Variants in TMEM164 observed in about 807,000 individuals in gnomAD.
TMEM164 encodes RP13-360B22.2.
Under a neutral mutation model 18.8 loss-of-function variants are expected in TMEM164, and 4 were observed. The observed-to-expected ratio is 0.21, with a 90% CI of 0.10 to 0.49. The LOEUF (loss-of-function observed/expected upper bound fraction) is 0.49, where lower values mean the gene tolerates loss of function less well. Among genes scored for constraint, TMEM164 ranks in the 20% least tolerant of loss-of-function variants. The pLI is 0.98. For synonymous variants in TMEM164, 86 were observed against 101.7 expected (o/e 0.85, Z 0.93); for missense variants, 108 against 239.9 (o/e 0.45, Z 3.63).
intron 3 of TMEM164, among the ~76,000 whole-genome samples, chrX:110,080,494 T>C (rs2065736858): frequency 8.9e-6 from 1 of 111,764 alleles, no homozygotes; most frequent in African/African-American, 3.2e-5. Context: ...CCTGTCACCA[T>C]GCAGATCTCT....
chrX:110,111,533 G>A (rs1210668951), intron 4 of TMEM164, among the ~76,000 whole-genome samples: 1 of 112,030 alleles, frequency 8.9e-6, no homozygotes, highest in African/African-American at 3.2e-5. Context: ...AGAAAAGGAA[G>A]GTGCATCAGA....
intron 2 of TMEM164, among the ~76,000 whole-genome samples, chrX:110,052,372 C>T (rs1935598245): frequency 8.9e-6 from 1 of 112,492 alleles, no homozygotes. Flanking sequence ...CAACCTCTGA[C>T]CCCTGATCCA....
intron 2 of TMEM164, among the ~76,000 whole-genome samples, chrX:110,032,526 A>C (rs1046166817): frequency 1.8e-5 from 2 of 111,777 alleles, no homozygotes; most frequent in African/African-American, 6.5e-5. Context: ...ATAGAAAAGC[A>C]GAACTCAAAA....
At chrX:110,056,941 T>TTA (rs3082794) in intron 2 of TMEM164, among the ~76,000 whole-genome samples, 48,753 of 107,413 alleles carry the variant, frequency 0.45, 9,832 homozygotes, top group Non-Finnish European at 0.61. Flanking sequence ...AACTTAATGA[T>TTA]TATATATATA....
At chrX:110,114,746 C>A (rs2066337148) in intron 4 of TMEM164, among the ~76,000 whole-genome samples, 1 of 111,593 alleles carries the variant, frequency 9.0e-6, no homozygotes, top group Non-Finnish European at 1.9e-5. Flanking sequence ...CTTCCCAGAC[C>A]AAAAACTCTA....
At chrX:110,164,735 C>T (rs1352227112) in intron 5 of TMEM164, among the ~76,000 whole-genome samples, 3 of 110,999 alleles carry the variant, frequency 2.7e-5, no homozygotes, top group South Asian at 7.7e-4. Flanking sequence ...GGAAGGATAG[C>T]GGGTGGTACA....
At chrX:110,022,092 A>G (rs974546542) in intron 2 of TMEM164, among the ~76,000 whole-genome samples, 1 of 112,029 alleles carries the variant, frequency 8.9e-6, no homozygotes, top group Non-Finnish European at 1.9e-5. Context: ...GGACATAGGC[A>G]TTTAAGAAAA....
At chrX:110,011,166 A>G (rs1050406923) in intron 2 of TMEM164, among the ~76,000 whole-genome samples, 2 of 111,897 alleles carry the variant, frequency 1.8e-5, no homozygotes, top group African/African-American at 6.5e-5. Flanking sequence ...TTGTTGATGT[A>G]CTTTCAAAAA....
At chrX:110,098,788 C>CT (rs1215343245) in intron 3 of TMEM164, among the ~76,000 whole-genome samples, 2 of 105,760 alleles carry the variant, frequency 1.9e-5, no homozygotes, top group African/African-American at 3.4e-5. Flanking sequence ...TTTTTCAGCC[C>CT]TTTTTTTTTC....
rs187773567 is a variant in TMEM164, at chrX:110,163,968, G to A, written c.587-7452G>A. Among the ~76,000 whole-genome samples the A allele has an allele frequency of 5.3e-5, 6 of 112,296 alleles. No individual in the cohort carries two copies. In the East Asian group the frequency reaches 1.7e-3, roughly 31 times the overall value. On this transcript the variant is annotated intron_variant, in intron 5 of 6. Coordinates refer to ENST00000372068, the MANE Select transcript of TMEM164 (RefSeq NM_032227.4). Reference sequence around the variant, plus strand: ...TTTTCCTCTGTGAAGTGGGAAGCAAGGTTAATATCTGAGAGTGAAAATGGG... The same window carrying A: ...TTTTCCTCTGTGAAGTGGGAAGCAAAGTTAATATCTGAGAGTGAAAATGGG...
chrX:110,056,683 T>C (rs1935849079), intron 2 of TMEM164, among the ~76,000 whole-genome samples: 1 of 111,739 alleles, frequency 8.9e-6, no homozygotes, highest in East Asian at 2.8e-4. Context: ...TTCCAATTTC[T>C]CCACATCCTC....
At chrX:110,157,422 G>A (rs915545932) in intron 5 of TMEM164, among the ~76,000 whole-genome samples, 1 of 111,477 alleles carries the variant, frequency 9.0e-6, no homozygotes, top group Non-Finnish European at 1.9e-5. Context: ...AGCCAAGGGA[G>A]GGTGTTTCTC....
chrX:110,135,202 C>T (rs2066671793), intron 4 of TMEM164, among the ~76,000 whole-genome samples: 1 of 109,211 alleles, frequency 9.2e-6, no homozygotes, highest in African/African-American at 3.4e-5. Flanking sequence ...TTATATACAC[C>T]CAAAAATACA....
At position 110,092,783 on chromosome X, in the gene TMEM164, G is replaced by T. The variant is rs183353707; in HGVS notation, c.441-16297G>T. On this transcript the variant is annotated intron_variant, in intron 3 of 6. Transcript: ENST00000372068. ...TGGTGAGAGAGGGCATCCCTGTCTT[G>T]TGCCAGTTTTCAAAGGGAATGCTTC... 3.5e-3 allele frequency among the ~76,000 whole-genome samples: 395 copies of T among 111,927 alleles called. 1 individual carries two copies. Among genetic ancestry groups the T allele is most frequent in the African/African-American group, 0.011 (347 of 30,796 alleles).
chrX:110,136,383 A>C (rs1364984306), intron 4 of TMEM164, among the ~76,000 whole-genome samples: 1 of 111,941 alleles, frequency 8.9e-6, no homozygotes, highest in African/African-American at 3.3e-5. Context: ...GTTAATGAAG[A>C]TAAAGTGTTC....
chrX:110,169,122 A>G (rs1236727923), intron 5 of TMEM164, among the ~76,000 whole-genome samples: 1 of 111,884 alleles, frequency 8.9e-6, no homozygotes. Context: ...CCATCACACT[A>G]TATGTCCTAG....
At chrX:110,097,609 G>A (rs1366612156) in intron 3 of TMEM164, among the ~76,000 whole-genome samples, 1 of 112,322 alleles carries the variant, frequency 8.9e-6, no homozygotes, top group Non-Finnish European at 1.9e-5. Flanking sequence ...CAACAAGGAA[G>A]TCAACTACTT....
intron 4 of TMEM164, among the ~76,000 whole-genome samples, chrX:110,129,610 G>C (rs2066584691): frequency 8.9e-6 from 1 of 112,532 alleles, no homozygotes; most frequent in Non-Finnish European, 1.9e-5. Context: ...CAGGACTTTT[G>C]GATGTTTTCA....
chrX:110,151,493 G>A (rs7884717), intron 5 of TMEM164, among the ~76,000 whole-genome samples: 5,725 of 111,423 alleles, frequency 0.051, 367 homozygotes, highest in African/African-American at 0.18. Flanking sequence ...TTTAAAATTG[G>A]CATTTGGCTG....
Sources: gnomAD v4.1 joint callset for allele counts (sites outside exome capture counted in the v4.1 genomes callset) on GRCh38, gnomAD v4.1.1 for gene constraint, MANE v1.5 for transcripts, NCBI Gene and HGNC (gene_info 2026-07-23, HGNC 2026-07-21) for gene names.